The following JPH3 variants were observed in gnomAD, a reference collection of about 807,000 sequenced individuals.
JPH3 encodes junctophilin 3, also known as junctophilin-3.
In JPH3, 11 loss-of-function variants were observed where a neutral mutation model predicts 59.6. The ratio of observed to expected loss-of-function variants is 0.18; its 90% confidence interval spans 0.12 to 0.31. JPH3 has a LOEUF of 0.31. JPH3 is among the 10% of genes least tolerant of loss of function. JPH3 has a pLI of 1.00. For synonymous variants in JPH3, 673 were observed against 483.6 expected, an observed-to-expected ratio of 1.39 and a Z score of -5.14; for missense variants, 1,202 against 1,105.7, an observed-to-expected ratio of 1.09 and a Z score of -1.24.
chr16:87,655,712 G>A (rs748650509), intron 2 of JPH3, among the ~76,000 whole-genome samples: 2 of 152,224 alleles, frequency 1.3e-5, no homozygotes, highest in Non-Finnish European at 2.9e-5. Context: ...TTCCAAGGGC[G>A]ATATTCAGAA....
intron 1 of JPH3, among the ~76,000 whole-genome samples, chr16:87,613,509 CG>C (rs2030815680): frequency 6.6e-6 from 1 of 152,104 alleles, no homozygotes; most frequent in African/African-American, 2.4e-5. Flanking sequence ...TTGGTAGAGA[CG>C]GGGTTTCACC....
At chr16:87,626,609 G>A (rs1298242466) in intron 1 of JPH3, among the ~76,000 whole-genome samples, 1 of 152,244 alleles carries the variant, frequency 6.6e-6, no homozygotes, top group African/African-American at 2.4e-5. Context: ...CCGAGTGGGC[G>A]GCCTCCCTGC....
intron 3 of JPH3, among the ~76,000 whole-genome samples, chr16:87,687,256 A>G (rs2033440927): frequency 6.6e-6 from 1 of 152,160 alleles, no homozygotes; most frequent in African/African-American, 2.4e-5. Context: ...GACAGATGAC[A>G]GAACAGAGCC....
intron 1 of JPH3, among the ~76,000 whole-genome samples, chr16:87,635,553 C>T (rs989273411): frequency 4.6e-5 from 7 of 152,182 alleles, no homozygotes; most frequent in South Asian, 2.1e-4. Flanking sequence ...ACTGTCCCAG[C>T]GGATCTCCGA....
At chr16:87,662,251 C>T (rs1284127643) in intron 2 of JPH3, among the ~76,000 whole-genome samples, 4 of 152,154 alleles carry the variant, frequency 2.6e-5, no homozygotes, top group African/African-American at 9.7e-5. Flanking sequence ...AGATAGCAGC[C>T]CCTCTGCCTG....
chr16:87,604,683 C>T, intron 1 of JPH3: 1 of 1,146,812 alleles, frequency 8.7e-7, no homozygotes, highest in East Asian at 6.1e-5. Context: ...ATGAAGAAAG[C>T]TCGGAACACC....
chr16:87,682,499 A>G (rs557880937), intron 2 of JPH3, among the ~76,000 whole-genome samples: 2 of 152,246 alleles, frequency 1.3e-5, no homozygotes, highest in East Asian at 3.9e-4. Flanking sequence ...CCCTGATGAA[A>G]GAGGCCTCAG....
chr16:87,678,135 G>A (rs2033197092), intron 2 of JPH3, among the ~76,000 whole-genome samples: 1 of 152,142 alleles, frequency 6.6e-6, no homozygotes, highest in Admixed American at 6.6e-5. Flanking sequence ...TGCCCACTTG[G>A]GTGGCTGAAG....
intron 2 of JPH3, among the ~76,000 whole-genome samples, chr16:87,655,619 C>T (rs958377319): frequency 2.0e-5 from 3 of 152,356 alleles, no homozygotes; most frequent in African/African-American, 7.2e-5. Flanking sequence ...TCCCAAAGTG[C>T]TGGGATTACA....
Position 87,602,992 on chromosome 16 carries a change from G to T in JPH3, c.-155G>T. ...CTGAAATTCCTCCGGAGCCGGCGCC[G>T]CGGCCGCCCGCGCCCGAGACCGCGC... On this transcript the variant is annotated 5_prime_UTR_variant, in exon 1 of 5. Coordinates refer to ENST00000284262, the MANE Select transcript of JPH3 (RefSeq NM_020655.4). 1.3e-6 allele frequency: 1 copy of T among 790,970 alleles called. No individual in the cohort carries two copies. Among genetic ancestry groups the T allele is most frequent in the Non-Finnish European group, 1.9e-6 (1 of 519,664 alleles). 49.0% of individuals were successfully genotyped at this position (790,970 alleles called of 1,614,324 possible). A position where few individuals can be genotyped will look rare whatever the true frequency, so the allele number is the denominator to read the frequency against.
At chr16:87,621,943 G>T (rs1402355333) in intron 1 of JPH3, among the ~76,000 whole-genome samples, 4 of 152,226 alleles carry the variant, frequency 2.6e-5, no homozygotes, top group Non-Finnish European at 5.9e-5. Flanking sequence ...TTAGTCGAGA[G>T]GGGGGATGGT....
intron 2 of JPH3, among the ~76,000 whole-genome samples, chr16:87,646,641 T>G (rs2032161792): frequency 6.6e-6 from 1 of 152,204 alleles, no homozygotes. Context: ...CTTTCCTCTG[T>G]GTTTTGTTTT....
At chr16:87,603,934 C>G (rs981639327) in intron 1 of JPH3, among the ~76,000 whole-genome samples, 1 of 152,252 alleles carries the variant, frequency 6.6e-6, no homozygotes, top group Non-Finnish European at 1.5e-5. Flanking sequence ...GGCCGCCCTT[C>G]GATCAGGCCC....
intron 2 of JPH3, among the ~76,000 whole-genome samples, chr16:87,665,906 G>A (rs1249365288): frequency 6.6e-6 from 1 of 152,124 alleles, no homozygotes; most frequent in Admixed American, 6.5e-5. Context: ...AGTTCCCATC[G>A]CTGCCCCCCA....
rs1474850114 is a variant in JPH3 at position 87,611,239 on chromosome 16, G to A, written c.382+7711G>A. ...TATGGAATAATTCAGGGTTTCTCATGCCACAGTGGGGGTCCTGAATGGGAG... is the reference window on the plus strand; with the variant it reads ...TATGGAATAATTCAGGGTTTCTCATACCACAGTGGGGGTCCTGAATGGGAG... On this transcript the variant is annotated intron_variant, in intron 1 of 4. Coordinates refer to ENST00000284262, the MANE Select transcript of JPH3 (RefSeq NM_020655.4). The surrounding 1 kb of genome is among the most constrained non-coding windows in gnomAD (Gnocchi z 4.5). Among the ~76,000 whole-genome samples the A allele has an allele frequency of 6.6e-6, 1 of 152,222 alleles. No homozygotes were observed. The highest frequency in any genetic ancestry group is 2.4e-5 in the African/African-American group (1 of 41,454).
chr16:87,677,185 T>TATACACACACACAC (rs1491266129), intron 2 of JPH3, among the ~76,000 whole-genome samples: 971 of 95,012 alleles, frequency 0.01, 11 homozygotes, highest in East Asian at 0.013. Flanking sequence ...TATATATATA[T>TATACACACACACAC]ACACACACAC....
At chr16:87,692,756 C>G (rs930526191) in intron 4 of JPH3, among the ~76,000 whole-genome samples, 1 of 152,210 alleles carries the variant, frequency 6.6e-6, no homozygotes, top group African/African-American at 2.4e-5. Flanking sequence ...ATGGATATGA[C>G]CTGATGGTGG....
At chr16:87,637,070 C>G (rs1271878252) in intron 1 of JPH3, among the ~76,000 whole-genome samples, 1 of 152,226 alleles carries the variant, frequency 6.6e-6, no homozygotes, top group Non-Finnish European at 1.5e-5. Flanking sequence ...TGACTGTGTT[C>G]TCAAAGCCCC....
chr16:87,651,569 G>A (rs1479149768), intron 2 of JPH3, among the ~76,000 whole-genome samples: 2 of 152,218 alleles, frequency 1.3e-5, no homozygotes, highest in East Asian at 1.9e-4. Context: ...CTCATGGACG[G>A]CTTTAGGGGC....
Sources: gnomAD v4.1 joint callset for allele counts (sites outside exome capture counted in the v4.1 genomes callset) on GRCh38, gnomAD v4.1.1 for gene constraint, Gnocchi (gnomAD v3.1) non-coding constraint, MANE v1.5 for transcripts, NCBI Gene and HGNC (gene_info 2026-07-23, HGNC 2026-07-21) for gene names.